The following CDH23 variants were observed in gnomAD, a reference collection of about 807,000 sequenced individuals.
CDH23 encodes the protein cadherin related 23.
Under a neutral mutation model 317.1 loss-of-function variants are expected in CDH23, and 189 were observed. The ratio of observed to expected loss-of-function variants is 0.60; its 90% CI spans 0.53 to 0.67. The LOEUF (loss-of-function observed/expected upper bound fraction) is 0.67, where lower values mean the gene tolerates loss of function less well. CDH23 is among the 30% of genes least tolerant of loss of function. The pLI, the probability that CDH23 is intolerant of heterozygous loss-of-function variation, is 0.00. For missense variants in CDH23, 4,401 were observed against 4,592.4 expected (o/e 0.96, Z 1.20); for synonymous variants, 1,839 against 1,876.8 (o/e 0.98, Z 0.52).
At chr10:71,809,752 CA>C (rs1841856406) in intron 60 of CDH23, 67 bp from the exon 61 acceptor site, 5 of 1,570,232 alleles carry the variant, frequency 3.2e-6, no homozygotes, top group African/African-American at 1.3e-5. Flanking sequence ...CCCCAGGGCT[CA>C]TGCCCCTTCC....
intron 9 of CDH23, among the ~76,000 whole-genome samples, chr10:71,597,425 G>A (rs990595514): frequency 2.6e-5 from 4 of 152,046 alleles, no homozygotes; most frequent in African/African-American, 9.7e-5. Flanking sequence ...GGGCTACTCT[G>A]CCCCAGCTGT....
chr10:71,677,199 T>G (rs1193138698), intron 15 of CDH23, among the ~76,000 whole-genome samples: 2 of 152,186 alleles, frequency 1.3e-5, no homozygotes, highest in African/African-American at 4.8e-5. Context: ...AGGAGGGTTG[T>G]TCTGCCTGGG....
At chr10:71,713,447 G>T in intron 28 of CDH23, 1 of 596,356 alleles carries the variant, frequency 1.7e-6, no homozygotes, top group South Asian at 2.0e-5. Context: ...GCCAAACAGG[G>T]AATCTGGGCC....
chr10:71,451,603 C>T (rs918449903), intron 3 of CDH23, among the ~76,000 whole-genome samples: 3 of 152,218 alleles, frequency 2.0e-5, no homozygotes, highest in East Asian at 1.9e-4. Flanking sequence ...CAGATGCCAC[C>T]GCCTCTGGGT....
chr10:71,574,395 A>G (rs1396561153), intron 8 of CDH23, among the ~76,000 whole-genome samples: 1 of 152,180 alleles, frequency 6.6e-6, no homozygotes, highest in Non-Finnish European at 1.5e-5. Flanking sequence ...TAAACTGCAC[A>G]AATTACTGCC....
chr10:71,469,019 A>G (rs1433160308), intron 3 of CDH23, among the ~76,000 whole-genome samples: 1 of 152,198 alleles, frequency 6.6e-6, no homozygotes, highest in Non-Finnish European at 1.5e-5. Context: ...GCCCCAAAGC[A>G]GGCTCATGCC....
intron 6 of CDH23, among the ~76,000 whole-genome samples, chr10:71,545,838 A>G (rs577084757): frequency 1.3e-5 from 2 of 152,240 alleles, no homozygotes; most frequent in East Asian, 1.9e-4. Flanking sequence ...TGAAGCACGC[A>G]TTATCTTAGG....
intron 9 of CDH23, among the ~76,000 whole-genome samples, chr10:71,585,717 C>T (rs917033100): frequency 6.6e-6 from 1 of 152,244 alleles, no homozygotes; most frequent in East Asian, 1.9e-4. Context: ...TCGCCCTCTT[C>T]TCTGCAGGGT....
rs368603023 is a variant in CDH23 at position 71,690,474 on chromosome 10, C to T, written c.2066C>T (p.Thr689Met). 4 of 1,601,506 alleles carry T rather than the reference C, an allele frequency of 2.5e-6. No individual in the cohort carries two copies. The highest frequency in any genetic ancestry group is 2.6e-6 in the Non-Finnish European group (3 of 1,173,978). ...SVVENIMAGA[T>M]VLFLNATDLD... ...CACCTTTTTCCCCCTGAAGGAGCCACGGTGCTGTTCCTGAATGCCACAGAC... is the reference window on the plus strand; with the variant it reads ...CACCTTTTTCCCCCTGAAGGAGCCATGGTGCTGTTCCTGAATGCCACAGAC... The change falls in exon 20 of 70, where the codon ACG (threonine) becomes ATG (methionine). Residue 689 changes from threonine (T) to methionine (M), a missense_variant. Around this residue, in one of 3 missense-constraint regions of CDH23, gnomAD observed 3,068 missense variants for 3,203.3 expected, o/e 0.96. Coordinates refer to ENST00000224721, the MANE Select transcript of CDH23 (RefSeq NM_022124.6).
intron 38 of CDH23, among the ~76,000 whole-genome samples, chr10:71,765,805 G>T (rs1248293554): frequency 6.6e-6 from 1 of 152,144 alleles, no homozygotes; most frequent in Non-Finnish European, 1.5e-5. Flanking sequence ...TAGGATTCAA[G>T]TTTGGGGAGC....
chr10:71,732,199 G>T lies in CDH23; in HGVS notation c.3928G>T (p.Ala1310Ser), dbSNP rs751689438. 6.2e-7 allele frequency: 1 copy of T among 1,613,860 alleles called. No homozygotes were observed. The highest frequency in any genetic ancestry group is 8.5e-7 in the Non-Finnish European group (1 of 1,179,812). Reference sequence around the variant, plus strand: ...CACTCTGCTCAACGAGCTGGACGAGGCCGTGCAGTTCTCCAATGCCTCATA... The same window carrying T: ...CACTCTGCTCAACGAGCTGGACGAGTCCGTGCAGTTCTCCAATGCCTCATA... Reference protein sequence around the residue: ...YITLLNELDEAVQFSNASYEA... With the variant: ...YITLLNELDESVQFSNASYEA... The change falls in exon 32 of 70, where the codon GCC becomes TCC. Residue 1310 changes from alanine to serine, a missense_variant. By Grantham distance (99) the Ala-to-Ser change is moderately conservative. Coordinates refer to ENST00000224721, the MANE Select transcript of CDH23 (RefSeq NM_022124.6).
In CDH23 at chr10:71,532,727, G is replaced by GT. The variant is rs200038577; in HGVS notation, c.429+21535dup. On this transcript the variant is annotated intron_variant, in intron 6 of 69. Transcript: ENST00000224721. ...TTTGTTTTTGTTTTTTTTTTTTTTT[G>GT]TTTTTTTTTTTTTTTTTTTTGAGAC... Among the ~76,000 whole-genome samples the GT allele has an allele frequency of 3.0e-3, 284 of 93,946 alleles. 5 individuals carry two copies. The highest frequency in any genetic ancestry group is 5.1e-3 in the Non-Finnish European group (214 of 41,632). 61.6% of individuals were successfully genotyped at this position (93,946 alleles called of 152,430 possible).
Position 71,675,196 on chromosome 10 carries a change from C to A in CDH23, c.1514+20C>A. On this transcript the variant is annotated intron_variant, in intron 15 of 69. Transcript: ENST00000224721. Reference sequence around the variant, plus strand: ...TGACAGGTGAGACTCTGCCCACAGCCCCTCAGGCCCCTCCGCAGTGGTCCT... The same window carrying A: ...TGACAGGTGAGACTCTGCCCACAGCACCTCAGGCCCCTCCGCAGTGGTCCT... The A allele has an allele frequency of 2.5e-6, 4 of 1,606,362 alleles. No individual in the cohort carries two copies. The highest frequency in any genetic ancestry group is 3.4e-6 in the Non-Finnish European group (4 of 1,173,036).
At chr10:71,661,215 G>A (rs1863634589) in intron 14 of CDH23, among the ~76,000 whole-genome samples, 1 of 152,140 alleles carries the variant, frequency 6.6e-6, no homozygotes, top group South Asian at 2.1e-4. Flanking sequence ...TGACGAGACA[G>A]AAACTGAACT....
chr10:71,651,234 CA>C (rs1863152094), intron 14 of CDH23, among the ~76,000 whole-genome samples: 1 of 152,030 alleles, frequency 6.6e-6, no homozygotes, highest in African/African-American at 2.4e-5. Context: ...CAGGGAATAA[CA>C]TTGGAGAAAA....
rs925133406 is a variant in CDH23, at chr10:71,490,702, C to T, written c.146-19380C>T. Among the ~76,000 whole-genome samples the T allele has an allele frequency of 9.9e-5, 15 of 152,192 alleles. No homozygotes were observed. The South Asian group carries it at 1.0e-3, about 11-fold the overall frequency. ...TGAATGACTTGGGAAATAATAGTAA[C>T]GACTGACACTTATTGAACATGGACT... On this transcript the variant is annotated intron_variant, in intron 3 of 69. Transcript: ENST00000224721.
intron 1 of CDH23, among the ~76,000 whole-genome samples, chr10:71,399,946 C>T (rs980472747): frequency 2.6e-5 from 4 of 152,034 alleles, no homozygotes; most frequent in South Asian, 2.1e-4. Context: ...CCTCATCTGC[C>T]CCTCCCAGAT....
intron 38 of CDH23, chr10:71,773,579 C>G (rs1316747493): frequency 7.0e-6 from 5 of 710,362 alleles, no homozygotes; most frequent in Non-Finnish European, 1.0e-5. Flanking sequence ...GCACCCGCCC[C>G]CTTCGCGCAG....
chr10:71,789,260 C>A (rs938086330), intron 45 of CDH23, among the ~76,000 whole-genome samples: 4 of 152,188 alleles, frequency 2.6e-5, no homozygotes, highest in Non-Finnish European at 4.4e-5. Flanking sequence ...AAGAGACAGT[C>A]GTGGTCATTG....
Sources: allele counts gnomAD v4.1 joint callset (sites outside exome capture counted in the v4.1 genomes callset), GRCh38; gene constraint gnomAD v4.1.1; regional missense constraint gnomAD v4.1.1; transcripts MANE v1.5; gene names NCBI Gene and HGNC (gene_info 2026-07-23, HGNC 2026-07-21).